Variants in ATP1A3 observed in about 807,000 individuals in gnomAD.
ATP1A3 encodes the protein ATPase Na+/K+ transporting subunit alpha 3.
ATP1A3 carries 12 observed loss-of-function variants against 108.8 expected under a neutral mutation model. The ratio of observed to expected loss-of-function variants is 0.11; its 90% CI spans 0.07 to 0.18. The LOEUF (loss-of-function observed/expected upper bound fraction) is 0.18, where lower values mean the gene tolerates loss of function less well. Ranked by LOEUF, ATP1A3 falls within the 10% of genes least tolerant of loss-of-function variation. ATP1A3 has a pLI of 1.00. For synonymous variants in ATP1A3, 539 were observed against 564.5 expected (o/e 0.95, Z 0.64); for missense variants, 498 against 1,387.7 (o/e 0.36, Z 10.19).
rs1163297611 is a variant in ATP1A3 at position 41,969,094 on chromosome 19, G to A, written c.2689-179C>T. 2.6e-5 allele frequency among the ~76,000 whole-genome samples: 4 copies of A among 152,200 alleles called. No individual in the cohort carries two copies. In the East Asian group the frequency reaches 7.7e-4, roughly 29 times the overall value. On this transcript the variant is annotated intron_variant, in intron 19 of 22. Coordinates refer to ENST00000648268, the MANE Select transcript of ATP1A3 (RefSeq NM_152296.5). ...AGGGAGGAGTCAGGAGACGTACAAG[G>A]AAGAAGAAAGGTTAATGGTGATCTC...
In ATP1A3 at chr19:41,969,474, G is replaced by A. The variant is rs782389141; in HGVS notation, c.2649C>T (p.Arg883=). The change falls in exon 19 of 23, where the codon CGC becomes CGT. Residue 883 remains arginine (R), a synonymous_variant. Coordinates refer to ENST00000648268, the MANE Select transcript of ATP1A3 (RefSeq NM_152296.5). ...LVGIRLNWDD[R]TVNDLEDSYG... Reference sequence around the variant, plus strand: ...AACTGTCTTCCAGGTCATTGACGGTGCGGTCATCCCAGTTCAGCCGGATGC... The same window carrying A: ...AACTGTCTTCCAGGTCATTGACGGTACGGTCATCCCAGTTCAGCCGGATGC... 3.7e-6 allele frequency: 6 copies of A among 1,614,036 alleles called. No individual in the cohort carries two copies. The Admixed American group carries it at 5.0e-5, about 13-fold the overall frequency.
At chr19:41,990,367 CTG>C (rs1239133738) in intron 1 of ATP1A3, among the ~76,000 whole-genome samples, 2 of 151,024 alleles carry the variant, frequency 1.3e-5, no homozygotes, top group African/African-American at 4.9e-5. Flanking sequence ...CTCCCTCTCT[CTG>C]TCTCTCTCAA....
chr19:41,967,146 C>G lies in ATP1A3; in HGVS notation c.3013+103G>C, dbSNP rs1555858787. 6.3e-7 allele frequency: 1 copy of G among 1,580,700 alleles called. No homozygotes were observed. Among genetic ancestry groups the G allele is most frequent in the African/African-American group, 1.4e-5 (1 of 74,048 alleles). ...ATGGGAAGAGAGAGAAGAGTGGGAA[C>G]CAGGTGGCAGAGCCATCCAGCAGGG... On this transcript the variant is annotated intron_variant, in intron 22 of 22. Coordinates refer to ENST00000648268, the MANE Select transcript of ATP1A3 (RefSeq NM_152296.5). The surrounding 1 kb of genome is among the most constrained non-coding windows in gnomAD (Gnocchi z 4.2).
Position 41,978,602 on chromosome 19 carries a change from G to T in ATP1A3, c.1630+4C>A. 3 of 1,612,884 alleles carry T rather than the reference G, an allele frequency of 1.9e-6. No homozygotes were observed. The highest frequency in any genetic ancestry group is 1.1e-5 in the South Asian group (1 of 91,074). On this transcript the variant is annotated splice_donor_region_variant and intron_variant, in intron 12 of 22. Transcript: ENST00000648268. This position sits in a 1 kb window ranked among gnomAD's most constrained non-coding sequence, Gnocchi z 8.3. ...ACCCCAGAGCCCGCCCGGCAGCCTCGCACCAAGCACGCGCTCGCCCAGGCC... is the reference window on the plus strand; with the variant it reads ...ACCCCAGAGCCCGCCCGGCAGCCTCTCACCAAGCACGCGCTCGCCCAGGCC...
chr19:41,970,923 C>A lies in ATP1A3; in HGVS notation c.2264-381G>T, dbSNP rs145441061. ...CTGGGATTACAGGCGTGAGCCACCG[C>A]GCCCGGCCTGTCCAGCGTCCTTTTC... is the stretch of plus-strand genomic sequence containing the variant. On this transcript the variant is annotated intron_variant, in intron 16 of 22. Coordinates refer to ENST00000648268, the MANE Select transcript of ATP1A3 (RefSeq NM_152296.5). Among the ~76,000 whole-genome samples, 5 of 151,898 alleles carry A rather than the reference C, an allele frequency of 3.3e-5. No individual in the cohort carries two copies. In the South Asian group the frequency reaches 6.3e-4, roughly 19 times the overall value.
rs2075273629 is a variant in ATP1A3, at chr19:41,985,062, C to T, written c.849G>A (p.Gln283=). The change falls in exon 8 of 23, where the codon CAG becomes CAA. Residue 283 remains glutamine, a synonymous_variant. Transcript: ENST00000648268. The surrounding 1 kb of genome is among the most constrained non-coding windows in gnomAD (Gnocchi z 8.2). ...GGAAGACAGCCACGCCGGTGATGAG[C>T]TGGATGAAGTGCTCAATCTCGATGG... ...PIAIEIEHFI[Q]LITGVAVFLG... is the part of the protein sequence containing the mutation. The T allele has an allele frequency of 6.2e-7, 1 of 1,613,812 alleles. No individual in the cohort carries two copies. Among genetic ancestry groups the T allele is most frequent in the Non-Finnish European group, 8.5e-7 (1 of 1,179,932 alleles).
In ATP1A3 at chr19:41,978,540, C is replaced by T; in HGVS notation, c.1630+66G>A. ...CTGGGAGGCCCTGGGCTGAGACAGGCTTTGGGCAGCATCACAACCCTCCTT... is the reference window on the plus strand; with the variant it reads ...CTGGGAGGCCCTGGGCTGAGACAGGTTTTGGGCAGCATCACAACCCTCCTT... On this transcript the variant is annotated intron_variant, in intron 12 of 22. Transcript: ENST00000648268. The surrounding 1 kb of genome is among the most constrained non-coding windows in gnomAD (Gnocchi z 8.3). 1 of 1,598,448 alleles carries T rather than the reference C, an allele frequency of 6.3e-7. No homozygotes were observed.
chr19:41,988,292 G>A lies in ATP1A3; in HGVS notation c.153+26C>T, dbSNP rs1294609536. The A allele has an allele frequency of 6.8e-6, 11 of 1,613,944 alleles. No homozygotes were observed. The highest frequency in any genetic ancestry group is 5.9e-6 in the Non-Finnish European group (7 of 1,179,900). ...CCAGCTCCTCCTCCCTAGTTCCCAG[G>A]GTCCCAGCCCACAGCCTGGCCACAC... On this transcript the variant is annotated intron_variant, in intron 3 of 22. Coordinates refer to ENST00000648268, the MANE Select transcript of ATP1A3 (RefSeq NM_152296.5). This position sits in a 1 kb window ranked among gnomAD's most constrained non-coding sequence, Gnocchi z 5.3.
Position 41,970,239 on chromosome 19 carries a change from G to A in ATP1A3, c.2488C>T (p.Arg830Trp). The change falls in exon 18 of 23, where the codon CGG becomes TGG. Residue 830 changes from arginine (R) to tryptophan (W), a missense_variant. Transcript: ENST00000648268. ...DIMKRQPRNPRTDKLVNERLI... is the reference protein window; with the variant it reads ...DIMKRQPRNPWTDKLVNERLI... ...CTCTCATTGACCAATTTGTCCGTCC[G>A]CGGGTTCCTGGGCTGTCTCTTCATG... 6.2e-7 allele frequency: 1 copy of A among 1,614,216 alleles called. No homozygotes were observed. Among genetic ancestry groups the A allele is most frequent in the Non-Finnish European group, 8.5e-7 (1 of 1,180,036 alleles).
At position 41,987,921 on chromosome 19, in the gene ATP1A3, G is replaced by T. The variant is rs782291161; in HGVS notation, c.357+15C>A. 7.8e-5 allele frequency: 126 copies of T among 1,612,668 alleles called. No homozygotes were observed. Among genetic ancestry groups the T allele is most frequent in the Non-Finnish European group, 1.1e-4 (126 of 1,179,920 alleles). On this transcript the variant is annotated intron_variant, in intron 4 of 22. Coordinates refer to ENST00000648268, the MANE Select transcript of ATP1A3 (RefSeq NM_152296.5). The stretch of plus-strand genomic sequence containing the variant: ...ATGTGCAGAGCCTTGCACAGGGCAG[G>T]GTCCAGGCACTCACGTTGTCACCAG...
In ATP1A3 at chr19:41,968,252, A is replaced by T. The variant is rs2075066183; in HGVS notation, c.2820-489T>A. ...AAATGGGCTGGGCATGGTGGCTCAC[A>T]CCTGTAATCCTAGCACTCTGGGAGG... On this transcript the variant is annotated intron_variant, in intron 20 of 22. Coordinates refer to ENST00000648268, the MANE Select transcript of ATP1A3 (RefSeq NM_152296.5). This position sits in a 1 kb window ranked among gnomAD's most constrained non-coding sequence, Gnocchi z 5.0. 1.3e-5 allele frequency among the ~76,000 whole-genome samples: 2 copies of T among 152,156 alleles called. No homozygotes were observed. The highest frequency in any genetic ancestry group is 4.1e-4 in the South Asian group (2 of 4,830).
intron 4 of ATP1A3, among the ~76,000 whole-genome samples, chr19:41,986,855 T>A (rs114725482): frequency 8.8e-4 from 129 of 146,918 alleles, no homozygotes; most frequent in African/African-American, 3.1e-3. Flanking sequence ...CAATCCTCCC[T>A]CCTCAGCCTC....
rs1555858570 is a variant in ATP1A3 at position 41,966,676 on chromosome 19, TG to T, written c.*260del. Reference sequence around the variant, plus strand: ...GGGAGTAAAAAAGAGCCCAGGGAGGTGGCTGGGGCGGGAGGAATGGATAGAG... The same window carrying T: ...GGGAGTAAAAAAGAGCCCAGGGAGGTGCTGGGGCGGGAGGAATGGATAGAG... On this transcript the variant is annotated 3_prime_UTR_variant, in exon 23 of 23. Transcript: ENST00000648268. 1.3e-6 allele frequency: 2 copies of T among 1,529,456 alleles called. No homozygotes were observed. The highest frequency in any genetic ancestry group is 2.8e-5 in the African/African-American group (2 of 71,768). 94.7% of individuals were successfully genotyped at this position (1,529,456 alleles called of 1,614,324 possible).
intron 8 of ATP1A3, among the ~76,000 whole-genome samples, chr19:41,983,606 T>G: frequency 6.9e-6 from 1 of 144,726 alleles, no homozygotes; most frequent in Admixed American, 7.0e-5. Flanking sequence ...TTATAATAAT[T>G]ATTATTATTA....
In ATP1A3 at chr19:41,978,867, TC is replaced by T; in HGVS notation, c.1438-70del. The stretch of plus-strand genomic sequence containing the variant: ...CCAGGAAGCTCCCTGCCCCATCCTG[TC>T]CCCTGTCCAGAGCCACGGGTGCCAG... On this transcript the variant is annotated intron_variant, in intron 11 of 22. Transcript: ENST00000648268. The surrounding 1 kb of genome is among the most constrained non-coding windows in gnomAD (Gnocchi z 8.3). The T allele has an allele frequency of 6.5e-7, 1 of 1,549,186 alleles. No individual in the cohort carries two copies.
rs1555860861 is a variant in ATP1A3, at chr19:41,975,803, G to A, written c.2095-6C>T. ...GTCACAGCCACAATTGCACCCTGGA[G>A]GGAGAGAGGGTAAGGATGACACCCA... On this transcript the variant is annotated splice_polypyrimidine_tract_variant and splice_region_variant and intron_variant, in intron 15 of 22. Transcript: ENST00000648268. 11 of 1,613,982 alleles carry A rather than the reference G, an allele frequency of 6.8e-6. No individual in the cohort carries two copies. Among genetic ancestry groups the A allele is most frequent in the Non-Finnish European group, 9.3e-6 (11 of 1,179,942 alleles).
Position 41,966,952 on chromosome 19 carries a change from C to T in ATP1A3, c.3027G>A (p.Lys1009=). The T allele has an allele frequency of 3.9e-6, 6 of 1,551,368 alleles. No individual in the cohort carries two copies. The highest frequency in any genetic ancestry group is 5.2e-6 in the Non-Finnish European group (6 of 1,146,974). The change falls in exon 23 of 23, where the codon AAG becomes AAA. Residue 1009 remains lysine, a synonymous_variant. Transcript: ENST00000648268. ...LRRNPGGWVE[K]ETYY Reference sequence around the variant, plus strand: ...GGGGCTGAGGTCAGTAGTAGGTTTCCTTCTCCACCCAACCTGGAGAGACAA... The same window carrying T: ...GGGGCTGAGGTCAGTAGTAGGTTTCTTTCTCCACCCAACCTGGAGAGACAA...
Position 41,978,798 on chromosome 19 carries a change from G to C in ATP1A3, c.1438C>G (p.Leu480Val), listed in dbSNP as rs1555862370. ...IPFNSTNKYQ[L>V]SIHETEDPND... ...GGGTCCTCGGTCTCATGGATGGAGAGCTGGGGACCGATCAGAGGGTGGCGT... is the reference window on the plus strand; with the variant it reads ...GGGTCCTCGGTCTCATGGATGGAGACCTGGGGACCGATCAGAGGGTGGCGT... The change falls in exon 12 of 23, where the codon CTC becomes GTC. Residue 480 changes from leucine to valine, a missense_variant and splice_region_variant. By Grantham distance (32) the Leu-to-Val change is conservative. Around this residue, in one of 9 missense-constraint regions of ATP1A3, gnomAD observed 92 missense variants for 168.7 expected, o/e 0.55. Coordinates refer to ENST00000648268, the MANE Select transcript of ATP1A3 (RefSeq NM_152296.5). The surrounding 1 kb of genome is among the most constrained non-coding windows in gnomAD (Gnocchi z 8.3). 6.2e-6 allele frequency: 10 copies of C among 1,613,658 alleles called. No individual in the cohort carries two copies. The highest frequency in any genetic ancestry group is 7.6e-6 in the Non-Finnish European group (9 of 1,179,856).
chr19:41,991,230 C>T (rs1484753534), intron 1 of ATP1A3, among the ~76,000 whole-genome samples: 3 of 152,324 alleles, frequency 2.0e-5, no homozygotes, highest in African/African-American at 7.2e-5. Context: ...CGCTAATCTC[C>T]TCGTGACCTT....
Sources: allele counts gnomAD v4.1 joint callset (sites outside exome capture counted in the v4.1 genomes callset), GRCh38; gene constraint gnomAD v4.1.1; regional missense constraint gnomAD v4.1.1; non-coding constraint Gnocchi (gnomAD v3.1); transcripts MANE v1.5; gene names NCBI Gene and HGNC (gene_info 2026-07-23, HGNC 2026-07-21).